Variants in RBFOX1 observed in about 807,000 individuals in gnomAD.
The protein encoded by RBFOX1 is RNA binding fox-1 homolog 1, also known as RNA binding protein fox-1 homolog 1.
Under a neutral mutation model 57.7 loss-of-function variants are expected in RBFOX1, and 8 were observed. That is an observed-to-expected ratio of 0.14 (90% CI 0.08 to 0.25). The LOEUF is 0.25. Ranked by LOEUF, RBFOX1 falls within the 10% of genes least tolerant of loss-of-function variation. The pLI is 1.00. For missense variants in RBFOX1, 611 were observed against 548.5 expected (o/e 1.11, Z -1.14); for synonymous variants, 326 against 222.4 (o/e 1.47, Z -4.15).
intron 2 of RBFOX1, among the ~76,000 whole-genome samples, chr16:6,534,488 A>T (rs1464716457): frequency 6.6e-6 from 1 of 152,116 alleles, no homozygotes. Context: ...GCTGTCCACA[A>T]AATGGAGATG....
chr16:6,479,391 C>T (rs1446309822), intron 2 of RBFOX1, among the ~76,000 whole-genome samples: 1 of 152,106 alleles, frequency 6.6e-6, no homozygotes, highest in East Asian at 1.9e-4. Context: ...AGTTAAAGGC[C>T]AGCCTGGCCA....
chr16:7,075,947 C>T (rs1016776095), intron 4 of RBFOX1, among the ~76,000 whole-genome samples: 7 of 152,020 alleles, frequency 4.6e-5, no homozygotes, highest in African/African-American at 1.4e-4. Context: ...TTGAATGAGG[C>T]ATACTACACT....
At position 6,998,785 on chromosome 16, in the gene RBFOX1, C is replaced by G. The variant is rs9922032; in HGVS notation, c.-15-53272C>G. On this transcript the variant is annotated intron_variant, in intron 3 of 15. Coordinates refer to ENST00000550418, the MANE Select transcript of RBFOX1 (RefSeq NM_018723.4). The stretch of plus-strand genomic sequence containing the variant: ...AGGAAGGGCATTTTATTACAGACTC[C>G]AGTCTAAAATTCCTTCTGAGTACTT... Among the ~76,000 whole-genome samples the G allele has an allele frequency of 2.9e-3, 445 of 152,176 alleles. 4 individuals carry two copies. The highest frequency in any genetic ancestry group is 0.01 in the African/African-American group (426 of 41,524).
chr16:6,714,264 C>G (rs913970427), intron 3 of RBFOX1, among the ~76,000 whole-genome samples: 7 of 152,124 alleles, frequency 4.6e-5, no homozygotes, highest in Non-Finnish European at 1.0e-4. Flanking sequence ...ACCTCTTTCC[C>G]ATATAAATGA....
chr16:5,945,526 A>C (rs2059383962), intron 4 of RBFOX1, among the ~76,000 whole-genome samples: 2 of 152,198 alleles, frequency 1.3e-5, no homozygotes, highest in African/African-American at 4.8e-5. Context: ...TTATTTTAAT[A>C]ATTCTCACTG....
At chr16:7,624,290 A>T (rs2059748684) in intron 10 of RBFOX1, among the ~76,000 whole-genome samples, 1 of 152,262 alleles carries the variant, frequency 6.6e-6, no homozygotes, top group Non-Finnish European at 1.5e-5. Flanking sequence ...TGATAGAATT[A>T]TATAGCAGAA....
chr16:6,151,516 C>T (rs554576405), intron 1 of RBFOX1, among the ~76,000 whole-genome samples: 39 of 152,274 alleles, frequency 2.6e-4, no homozygotes, highest in South Asian at 6.2e-4. Context: ...GAATTCCTGA[C>T]TTCAGGTTAT....
intron 4 of RBFOX1, among the ~76,000 whole-genome samples, chr16:5,959,273 T>C (rs983750873): frequency 6.6e-6 from 1 of 152,194 alleles, no homozygotes; most frequent in South Asian, 2.1e-4. Flanking sequence ...TGAGAACCAA[T>C]AGAACATGGA....
chr16:6,046,627 A>T (rs534859043), intron 1 of RBFOX1, among the ~76,000 whole-genome samples: 1 of 152,330 alleles, frequency 6.6e-6, no homozygotes, highest in Admixed American at 6.5e-5. Context: ...GGTTTGAAGA[A>T]AAATTGGCCC....
intron 2 of RBFOX1, among the ~76,000 whole-genome samples, chr16:5,574,327 A>C (rs1200955253): frequency 6.6e-6 from 1 of 151,586 alleles, no homozygotes; most frequent in Non-Finnish European, 1.5e-5. Context: ...TAGCCTCCTA[A>C]CTCTCTGTAT....
intron 1 of RBFOX1, among the ~76,000 whole-genome samples, chr16:6,237,908 A>G (rs1458390376): frequency 2.0e-5 from 3 of 151,790 alleles, no homozygotes; most frequent in African/African-American, 7.2e-5. Flanking sequence ...CCTGGTCAAC[A>G]TGTGAAACCC....
At chr16:5,842,940 T>C in intron 3 of RBFOX1, among the ~76,000 whole-genome samples, 1 of 152,188 alleles carries the variant, frequency 6.6e-6, no homozygotes, top group Admixed American at 6.5e-5. Flanking sequence ...TGCCTCAGCC[T>C]CCTGAGTAGC....
intron 3 of RBFOX1, among the ~76,000 whole-genome samples, chr16:5,741,413 A>G (rs2052765372): frequency 6.6e-6 from 1 of 152,154 alleles, no homozygotes; most frequent in South Asian, 2.1e-4. Flanking sequence ...ATCATCTTAA[A>G]TGTCCTCATT....
chr16:7,282,771 C>T (rs1348363217), intron 4 of RBFOX1, among the ~76,000 whole-genome samples: 1 of 152,168 alleles, frequency 6.6e-6, no homozygotes, highest in Non-Finnish European at 1.5e-5. Context: ...TCCACTGTGT[C>T]ATTCTTATGC....
At chr16:7,110,463 G>C (rs1035990587) in intron 4 of RBFOX1, among the ~76,000 whole-genome samples, 2 of 152,134 alleles carry the variant, frequency 1.3e-5, no homozygotes, top group African/African-American at 4.8e-5. Context: ...CAAGACTTCA[G>C]CCAATTAACA....
At chr16:7,431,568 A>G (rs1222019241) in intron 4 of RBFOX1, among the ~76,000 whole-genome samples, 1 of 152,174 alleles carries the variant, frequency 6.6e-6, no homozygotes, top group Non-Finnish European at 1.5e-5. Flanking sequence ...TTTATTTTTA[A>G]AAAATGCTGG....
chr16:6,737,504 C>G (rs2154179529), intron 3 of RBFOX1, among the ~76,000 whole-genome samples: 1 of 152,326 alleles, frequency 6.6e-6, no homozygotes, highest in East Asian at 1.9e-4. Context: ...AAAACAGCTA[C>G]TACGTGGTGG....
At chr16:6,987,912 G>C (rs990399427) in intron 3 of RBFOX1, among the ~76,000 whole-genome samples, 1 of 152,260 alleles carries the variant, frequency 6.6e-6, no homozygotes, top group East Asian at 1.9e-4. Context: ...AAATGTTTAT[G>C]ATGGCTGGAA....
intron 3 of RBFOX1, among the ~76,000 whole-genome samples, chr16:6,806,611 G>A (rs2086819651): frequency 6.6e-6 from 1 of 151,510 alleles, no homozygotes; most frequent in Non-Finnish European, 1.5e-5. Context: ...CACATCATTG[G>A]TTTTTTAAAA....
Sources: allele counts gnomAD v4.1 joint callset (sites outside exome capture counted in the v4.1 genomes callset), GRCh38; gene constraint gnomAD v4.1.1; transcripts MANE v1.5; gene names NCBI Gene and HGNC (gene_info 2026-07-23, HGNC 2026-07-21).